PKD1L1: variants seen among roughly 807,000 people sequenced by gnomAD.
PKD1L1 encodes the protein polycystin-1-like protein 1.
A neutral mutation model predicts 323.4 loss-of-function variants in PKD1L1; 236 were observed. The ratio of observed to expected loss-of-function variants is 0.73; its 90% confidence interval spans 0.66 to 0.81. The LOEUF (loss-of-function observed/expected upper bound fraction) is 0.81. Ranked by LOEUF, PKD1L1 falls within the 40% of genes least tolerant of loss-of-function variation. The pLI, the probability that PKD1L1 is intolerant of heterozygous loss-of-function variation, is 0.00. For synonymous variants in PKD1L1, 1,344 were observed against 1,335.0 expected, an observed-to-expected ratio of 1.01 and a Z score of -0.15; for missense variants, 3,320 against 3,508.0, an observed-to-expected ratio of 0.95 and a Z score of 1.35.
intron 56 of PKD1L1, among the ~76,000 whole-genome samples, chr7:47,777,999 T>G (rs1562925898): frequency 6.6e-6 from 1 of 152,148 alleles, no homozygotes; most frequent in East Asian, 1.9e-4. Flanking sequence ...GCTTGGGCAG[T>G]GAGGGACAGA....
rs138727390 is a variant in PKD1L1, at chr7:47,902,232, T to C, written c.2064+147A>G. The C allele has an allele frequency of 1.5e-4, 179 of 1,226,306 alleles. 1 individual carries two copies. The African/African-American group carries it at 1.7e-3, about 12-fold the overall frequency. The allele number at this position is 1,226,306 out of a possible 1,614,324, so 76.0% of individuals were successfully genotyped here. A position where few individuals can be genotyped will look rare whatever the true frequency, so the allele number is the denominator to read the frequency against. ...CAGGTCACCCGCTCTGAAGCCCTTA[T>C]AGGCACTCCTTTGTGTAAATTGCAG... On this transcript the variant is annotated intron_variant, in intron 13 of 56. Coordinates refer to ENST00000289672, the MANE Select transcript of PKD1L1 (RefSeq NM_138295.5).
chr7:47,788,487 G>C (rs952914177), intron 56 of PKD1L1, among the ~76,000 whole-genome samples: 1 of 149,694 alleles, frequency 6.7e-6, no homozygotes, highest in African/African-American at 2.4e-5. Context: ...CAAACTCCTG[G>C]CCTCAAGTGA....
At chr7:47,836,884 T>A (rs777862129) in intron 37 of PKD1L1, 37 bp downstream of exon 37, 1 of 1,599,110 alleles carries the variant, frequency 6.3e-7, no homozygotes, top group Admixed American at 1.7e-5. Context: ...TGTAGTCGGA[T>A]CTGGAAGCTG....
intron 50 of PKD1L1, among the ~76,000 whole-genome samples, chr7:47,810,516 G>A (rs1179277739): frequency 6.6e-6 from 1 of 152,182 alleles, no homozygotes; most frequent in Admixed American, 6.5e-5. Context: ...ACCCTGACCA[G>A]TGGCCCATGC....
chr7:47,905,857 C>A lies in PKD1L1; in HGVS notation c.1508G>T (p.Trp503Leu), dbSNP rs538818467. The change falls in exon 10 of 57, where the codon TGG becomes TTG. Residue 503 changes from tryptophan (W) to leucine (L), a missense_variant. Physicochemically the swap from Trp to Leu is moderately conservative, Grantham distance 61 (BLOSUM62 -2). Coordinates refer to ENST00000289672, the MANE Select transcript of PKD1L1 (RefSeq NM_138295.5). ...DSQAWHSMTV[W>L]YKMQSVSVYT... ...CAAAGACATACATTGCATCTTATAC[C>A]AGACAGTCATGCTGTGCCAAGCCTG... The A allele has an allele frequency of 6.2e-7, 1 of 1,612,824 alleles. No homozygotes were observed. Among genetic ancestry groups the A allele is most frequent in the Admixed American group, 1.7e-5 (1 of 59,422 alleles).
At chr7:47,914,509 G>A (rs1451918137) in intron 8 of PKD1L1, among the ~76,000 whole-genome samples, 1 of 152,222 alleles carries the variant, frequency 6.6e-6, no homozygotes, top group East Asian at 1.9e-4. Flanking sequence ...AGGCAGGGCA[G>A]AAGACACAAA....
chr7:47,800,661 C>A lies in PKD1L1; in HGVS notation c.8181G>T (p.Leu2727=), dbSNP rs1399415026. 6.2e-7 allele frequency: 1 copy of A among 1,613,930 alleles called. No homozygotes were observed. The highest frequency in any genetic ancestry group is 8.5e-7 in the Non-Finnish European group (1 of 1,179,922). The change falls in exon 54 of 57, where the codon CTG becomes CTT. Residue 2727 remains leucine (L), a synonymous_variant. Coordinates refer to ENST00000289672, the MANE Select transcript of PKD1L1 (RefSeq NM_138295.5). ...FGILLIVSAT[L]CFGMLRGFLM... is the part of the protein sequence containing the mutation. The stretch of plus-strand genomic sequence containing the variant: ...TGTGTTTACTTACCATTCCAAAACA[C>A]AGTGTGGCAGAGACTATTAAAAGGA...
At chr7:47,930,797 A>T (rs1051740151) in intron 6 of PKD1L1, among the ~76,000 whole-genome samples, 86 of 152,336 alleles carry the variant, frequency 5.6e-4, no homozygotes, top group African/African-American at 2.0e-3. Flanking sequence ...CTTGGGTGAC[A>T]GAGCGAGACT....
intron 47 of PKD1L1, among the ~76,000 whole-genome samples, chr7:47,814,266 G>C (rs1311872289): frequency 1.3e-5 from 2 of 152,188 alleles, no homozygotes; most frequent in African/African-American, 4.8e-5. Context: ...ACATGAGAAT[G>C]CTCTCTTTTA....
At chr7:47,938,839 G>A (rs1467119421) in intron 3 of PKD1L1, among the ~76,000 whole-genome samples, 2 of 152,180 alleles carry the variant, frequency 1.3e-5, no homozygotes, top group Non-Finnish European at 2.9e-5. Flanking sequence ...CCTGAGCCAC[G>A]CCACAGCATG....
intron 31 of PKD1L1, among the ~76,000 whole-genome samples, chr7:47,849,783 C>T (rs1387933981): frequency 4.6e-5 from 7 of 152,104 alleles, no homozygotes; most frequent in Non-Finnish European, 8.8e-5. Context: ...TGCCCATCAA[C>T]CTACGAGTGG....
chr7:47,917,070 C>CA (rs1787444172), intron 7 of PKD1L1, among the ~76,000 whole-genome samples: 1 of 151,828 alleles, frequency 6.6e-6, no homozygotes, highest in Non-Finnish European at 1.5e-5. Context: ...TAAGGAAATC[C>CA]AAAAAATGAT....
In PKD1L1 at chr7:47,943,530, C is replaced by G. The variant is rs975488085; in HGVS notation, c.45-19G>C. ...GAGACACCTAAGGGAAAGAAAATAA[C>G]CAGAGGAAAATTAAATTAAGTACAA... On this transcript the variant is annotated intron_variant, in intron 1 of 56. Coordinates refer to ENST00000289672, the MANE Select transcript of PKD1L1 (RefSeq NM_138295.5). The G allele has an allele frequency of 1.3e-6, 2 of 1,587,528 alleles. No homozygotes were observed. The highest frequency in any genetic ancestry group is 1.7e-6 in the Non-Finnish European group (2 of 1,157,272).
At chr7:47,928,136 A>C (rs1787689109) in intron 7 of PKD1L1, among the ~76,000 whole-genome samples, 1 of 152,256 alleles carries the variant, frequency 6.6e-6, no homozygotes, top group African/African-American at 2.4e-5. Flanking sequence ...ATACTTGTTT[A>C]TACACATAAA....
chr7:47,860,415 C>A lies in PKD1L1; in HGVS notation c.4150-1530G>T, dbSNP rs556797787. ...TTCTTTGTACCTTAGCAGCTCCTAG[C>A]AATTGCTAAATAAATGTGTGTCCAT... On this transcript the variant is annotated intron_variant, in intron 26 of 56. Coordinates refer to ENST00000289672, the MANE Select transcript of PKD1L1 (RefSeq NM_138295.5). Among the ~76,000 whole-genome samples the A allele has an allele frequency of 1.8e-3, 279 of 152,296 alleles. 2 individuals carry two copies. Among genetic ancestry groups the A allele is most frequent in the African/African-American group, 6.5e-3 (271 of 41,566 alleles).
chr7:47,889,182 C>G (rs566077777), intron 16 of PKD1L1, among the ~76,000 whole-genome samples: 1 of 152,224 alleles, frequency 6.6e-6, no homozygotes, highest in East Asian at 1.9e-4. Flanking sequence ...TCCCTCCAGC[C>G]CCAGACCTCC....
At position 47,829,488 on chromosome 7, in the gene PKD1L1, G is replaced by A; in HGVS notation, c.6672C>T (p.Ser2224=). Residue 2224 remains serine (S), a synonymous_variant, in exon 44 of 57, where the codon TCC becomes TCT. Transcript: ENST00000289672. ...TTGAAGAGAAGGGGAGGCGAGTCCA[G>A]GAACGTTCTGCCAATTCAGAGTCCA... ...RDLDSELAER[S]WTRLPFSSSC... is the part of the protein sequence containing the mutation. 1 of 1,614,162 alleles carries A rather than the reference G, an allele frequency of 6.2e-7. No homozygotes were observed. Among genetic ancestry groups the A allele is most frequent in the Admixed American group, 1.7e-5 (1 of 60,026 alleles).
intron 19 of PKD1L1, among the ~76,000 whole-genome samples, chr7:47,884,391 G>A (rs149746211): frequency 6.6e-6 from 1 of 152,148 alleles, no homozygotes; most frequent in Non-Finnish European, 1.5e-5. Flanking sequence ...TTGGGATTTT[G>A]GAGCATAGGG....
rs1036015553 is a variant in PKD1L1, at chr7:47,839,907, A to C, written c.5553-245T>G. Among the ~76,000 whole-genome samples the C allele has an allele frequency of 2.0e-5, 3 of 152,160 alleles. No homozygotes were observed. Among genetic ancestry groups the C allele is most frequent in the African/African-American group, 7.2e-5 (3 of 41,440 alleles). On this transcript the variant is annotated intron_variant, in intron 35 of 56. Coordinates refer to ENST00000289672, the MANE Select transcript of PKD1L1 (RefSeq NM_138295.5). The surrounding 1 kb of genome is among the most constrained non-coding windows in gnomAD (Gnocchi z 4.3). Reference sequence around the variant, plus strand: ...AATATCCACCAGCTTTCCCAAACCAAAGTTACACAAATCTCGTTCATGTAT... The same window carrying C: ...AATATCCACCAGCTTTCCCAAACCACAGTTACACAAATCTCGTTCATGTAT...
Sources: allele counts gnomAD v4.1 joint callset (sites outside exome capture counted in the v4.1 genomes callset), GRCh38; gene constraint gnomAD v4.1.1; non-coding constraint Gnocchi (gnomAD v3.1); transcripts MANE v1.5; gene names NCBI Gene and HGNC (gene_info 2026-07-23, HGNC 2026-07-21).